Variants in WDTC1 observed in about 807,000 individuals in gnomAD.
WDTC1 encodes WD and tetratricopeptide repeats protein 1.
In WDTC1, 12 loss-of-function variants were observed where a neutral mutation model predicts 76.0. The observed-to-expected ratio is 0.16, with a 90% CI of 0.10 to 0.26. The LOEUF is 0.26. Ranked by LOEUF, WDTC1 falls within the 10% of genes least tolerant of loss-of-function variation. The pLI, the probability that WDTC1 is intolerant of heterozygous loss-of-function variation, is 1.00. For synonymous variants in WDTC1, 326 were observed against 350.8 expected (o/e 0.93, Z 0.79); for missense variants, 511 against 908.8 (o/e 0.56, Z 5.63).
In WDTC1 at chr1:27,290,045, G is replaced by A. The variant is rs917858461; in HGVS notation, c.480-2170G>A. On this transcript the variant is annotated intron_variant, in intron 6 of 15. Coordinates refer to ENST00000319394, the MANE Select transcript of WDTC1 (RefSeq NM_001276252.2). Reference sequence around the variant, plus strand: ...CCGTGGGGAGAGGGAGAGGGAGACCGTGGGGAGGGGGAGGGGGAGAGGGAG... The same window carrying A: ...CCGTGGGGAGAGGGAGAGGGAGACCATGGGGAGGGGGAGGGGGAGAGGGAG... Among the ~76,000 whole-genome samples, 6 of 150,842 alleles carry A rather than the reference G, an allele frequency of 4.0e-5. No homozygotes were observed. In the East Asian group the frequency reaches 9.8e-4, roughly 25 times the overall value.
chr1:27,247,997 C>T (rs1324868507), intron 1 of WDTC1, among the ~76,000 whole-genome samples: 1 of 151,896 alleles, frequency 6.6e-6, no homozygotes, highest in Non-Finnish European at 1.5e-5. Flanking sequence ...GGATTACAGG[C>T]GTGAGCCACT....
chr1:27,280,261 A>G (rs1359992924), intron 3 of WDTC1, among the ~76,000 whole-genome samples: 1 of 152,236 alleles, frequency 6.6e-6, no homozygotes, highest in Non-Finnish European at 1.5e-5. Context: ...AATTTGAGAA[A>G]ACATTGAGCT....
chr1:27,257,105 GC>G (rs2012308598), intron 1 of WDTC1, among the ~76,000 whole-genome samples: 1 of 151,976 alleles, frequency 6.6e-6, no homozygotes, highest in African/African-American at 2.4e-5. Flanking sequence ...CTCGTGATCC[GC>G]CCACCTCGGC....
chr1:27,299,214 C>T (rs1192940256), intron 12 of WDTC1, among the ~76,000 whole-genome samples: 3 of 152,194 alleles, frequency 2.0e-5, no homozygotes, highest in Non-Finnish European at 4.4e-5. Context: ...GTTCTCTGAG[C>T]TCCTACTATG....
intron 7 of WDTC1, among the ~76,000 whole-genome samples, chr1:27,292,892 CA>C (rs1234229974): frequency 6.7e-6 from 1 of 149,166 alleles, no homozygotes; most frequent in African/African-American, 2.5e-5. Context: ...GCTGGGATTA[CA>C]GGCACCTGCC....
chr1:27,282,974 C>CA (rs879679681), intron 4 of WDTC1, among the ~76,000 whole-genome samples: 81 of 150,894 alleles, frequency 5.4e-4, no homozygotes, highest in Admixed American at 1.4e-3. Context: ...CCCGTCTCTA[C>CA]AAAAAAACAA....
intron 12 of WDTC1, 101 bp downstream of exon 12, chr1:27,298,212 G>A: frequency 7.0e-7 from 1 of 1,423,602 alleles, no homozygotes; most frequent in East Asian, 2.5e-5. Flanking sequence ...AGGCATCCAG[G>A]GAAAGTGGCA....
intron 1 of WDTC1, among the ~76,000 whole-genome samples, chr1:27,253,479 TTCTC>T (rs1159315112): frequency 3.7e-5 from 5 of 133,870 alleles, no homozygotes; most frequent in Non-Finnish European, 6.3e-5. Context: ...CTTCCTCTTC[TTCTC>T]TCTTTCTTCT....
At chr1:27,298,601 C>G (rs779432236) in intron 12 of WDTC1, among the ~76,000 whole-genome samples, 3 of 152,192 alleles carry the variant, frequency 2.0e-5, no homozygotes, top group Non-Finnish European at 4.4e-5. Flanking sequence ...AACCATATCC[C>G]AGAGATCCAA....
chr1:27,256,942 A>T (rs1421126753), intron 1 of WDTC1, among the ~76,000 whole-genome samples: 2 of 152,188 alleles, frequency 1.3e-5, no homozygotes, highest in Non-Finnish European at 1.5e-5. Context: ...TCTCACTGCA[A>T]GCTCCGTCTC....
At chr1:27,235,380 TTCTC>T (rs1037239020) in intron 1 of WDTC1, among the ~76,000 whole-genome samples, 1 of 145,986 alleles carries the variant, frequency 6.8e-6, no homozygotes, top group Non-Finnish European at 1.5e-5. Flanking sequence ...CTTTCTGTTT[TTCTC>T]TCTCTCTTTC....
intron 6 of WDTC1, 97 bp from the exon 7 acceptor site, chr1:27,292,118 C>T: frequency 7.8e-7 from 1 of 1,281,904 alleles, no homozygotes; most frequent in South Asian, 1.7e-5. Flanking sequence ...GTCCAAAGTC[C>T]CTCCCAATCC....
chr1:27,292,678 C>T (rs553982538), intron 7 of WDTC1, among the ~76,000 whole-genome samples: 2 of 151,882 alleles, frequency 1.3e-5, no homozygotes, highest in African/African-American at 2.4e-5. Flanking sequence ...CTTTCCACCT[C>T]GACCTCCCAA....
intron 1 of WDTC1, 78 bp downstream of exon 1, chr1:27,235,029 G>T (rs915811553): frequency 2.8e-6 from 1 of 362,226 alleles, no homozygotes; most frequent in Admixed American, 4.7e-5. Context: ...TGAACGGGCC[G>T]CCCGCTCTGG....
chr1:27,237,587 C>T (rs943476361), intron 1 of WDTC1, among the ~76,000 whole-genome samples: 1 of 152,088 alleles, frequency 6.6e-6, no homozygotes, highest in African/African-American at 2.4e-5. Flanking sequence ...CGGTGGCTCA[C>T]GCCTGTAATC....
Position 27,278,208 on chromosome 1 carries a change from G to C in WDTC1, c.133-4031G>C, listed in dbSNP as rs537560613. 1.5e-4 allele frequency among the ~76,000 whole-genome samples: 23 copies of C among 152,280 alleles called. No individual in the cohort carries two copies. In the South Asian group the frequency reaches 4.8e-3, roughly 32 times the overall value. ...ATAAGTAAAGTTTTATGGGAACACA[G>C]CATACTCACTTATGTATTGCTTATG... On this transcript the variant is annotated intron_variant, in intron 3 of 15. Coordinates refer to ENST00000319394, the MANE Select transcript of WDTC1 (RefSeq NM_001276252.2).
chr1:27,262,801 G>T (rs962181824), intron 2 of WDTC1, among the ~76,000 whole-genome samples: 2 of 151,942 alleles, frequency 1.3e-5, no homozygotes, highest in African/African-American at 4.8e-5. Flanking sequence ...ATCAGCAGGG[G>T]TTTTTTTTCC....
At chr1:27,255,242 G>A (rs2012237050) in intron 1 of WDTC1, among the ~76,000 whole-genome samples, 2 of 152,026 alleles carry the variant, frequency 1.3e-5, no homozygotes, top group Non-Finnish European at 2.9e-5. Flanking sequence ...AATTTAGTGG[G>A]CTCTTTTGGT....
At chr1:27,292,078 G>A in intron 6 of WDTC1, 137 bp from the exon 7 acceptor site, 1 of 893,990 alleles carries the variant, frequency 1.1e-6, no homozygotes, top group Non-Finnish European at 1.7e-6. Flanking sequence ...AGAAATGGGA[G>A]TTGTTTTTGA....
Sources: gnomAD v4.1 joint callset for allele counts (sites outside exome capture counted in the v4.1 genomes callset) on GRCh38, gnomAD v4.1.1 for gene constraint, MANE v1.5 for transcripts, NCBI Gene and HGNC (gene_info 2026-07-23, HGNC 2026-07-21) for gene names.